ATXN7: variants seen among roughly 807,000 people sequenced by gnomAD.
ATXN7 encodes ataxin-7.
Under a neutral mutation model 70.5 loss-of-function variants are expected in ATXN7, and 12 were observed. The observed-to-expected ratio is 0.17, with a 90% CI of 0.11 to 0.28. The LOEUF (loss-of-function observed/expected upper bound fraction) is 0.28. Ranked by LOEUF, ATXN7 falls within the 10% of genes least tolerant of loss-of-function variation. ATXN7 has a pLI of 1.00. For synonymous variants in ATXN7, 498 were observed against 448.7 expected (o/e 1.11, Z -1.39); for missense variants, 1,256 against 1,131.7 (o/e 1.11, Z -1.58).
chr3:63,960,563 G>C, intron 5 of ATXN7, among the ~76,000 whole-genome samples: 1 of 152,130 alleles, frequency 6.6e-6, no homozygotes, highest in East Asian at 1.9e-4. Context: ...AGAGAAGTGT[G>C]AACAGAATTA....
intron 11 of ATXN7, chr3:63,991,127 A>C (rs2075664939): frequency 2.2e-6 from 1 of 448,408 alleles, no homozygotes; most frequent in Non-Finnish European, 4.1e-6. Context: ...GGGAGAAAAA[A>C]ACTAGTCTAC....
At chr3:63,931,099 TTTTGTTTG>T (rs538562459) in intron 4 of ATXN7, among the ~76,000 whole-genome samples, 3 of 151,748 alleles carry the variant, frequency 2.0e-5, no homozygotes, top group East Asian at 3.9e-4. Context: ...ACAGTAGAAG[TTTTGTTTG>T]TTTGTTTGTT....
intron 4 of ATXN7, among the ~76,000 whole-genome samples, chr3:63,951,512 T>C (rs149393169): frequency 6.6e-6 from 1 of 152,356 alleles, no homozygotes; most frequent in Admixed American, 6.5e-5. Context: ...AAAGAGTGAA[T>C]GTAGTGTAAA....
intron 1 of ATXN7, among the ~76,000 whole-genome samples, chr3:63,870,069 A>T (rs1020991290): frequency 6.6e-6 from 1 of 152,150 alleles, no homozygotes; most frequent in Non-Finnish European, 1.5e-5. Context: ...CATATAGTAA[A>T]TATTGTTTAC....
At chr3:63,909,551 G>A (rs540296432) in intron 2 of ATXN7, among the ~76,000 whole-genome samples, 3 of 152,176 alleles carry the variant, frequency 2.0e-5, no homozygotes, top group Non-Finnish European at 4.4e-5. Flanking sequence ...GGTTTCTGTT[G>A]TACTCTTGTT....
intron 8 of ATXN7, 39 bp from the exon 9 acceptor site, chr3:63,988,020 A>G: frequency 6.2e-7 from 1 of 1,607,340 alleles, no homozygotes; most frequent in Non-Finnish European, 8.5e-7. Context: ...AAAAATTATT[A>G]ATGAGATTCC....
intron 4 of ATXN7, among the ~76,000 whole-genome samples, chr3:63,918,004 A>G (rs1308166309): frequency 2.0e-5 from 3 of 152,342 alleles, no homozygotes; most frequent in Non-Finnish European, 4.4e-5. Context: ...GGGTACAGAC[A>G]GGACATCACC....
chr3:63,961,830 G>A lies in ATXN7; in HGVS notation c.499+9347G>A, dbSNP rs934333370. Among the ~76,000 whole-genome samples, 3 of 151,978 alleles carry A rather than the reference G, an allele frequency of 2.0e-5. No individual in the cohort carries two copies. The South Asian group carries it at 6.2e-4, about 32-fold the overall frequency. On this transcript the variant is annotated intron_variant, in intron 5 of 12. Coordinates refer to ENST00000674280, the MANE Select transcript of ATXN7 (RefSeq NM_001377405.1). Reference sequence around the variant, plus strand: ...CATGTAGAAATCATTAGCTATTATAGGATTGCCATGCTTCAGCTTTAATGG... The same window carrying A: ...CATGTAGAAATCATTAGCTATTATAAGATTGCCATGCTTCAGCTTTAATGG...
chr3:63,927,841 CTCTTA>C (rs1359666404), intron 4 of ATXN7, among the ~76,000 whole-genome samples: 2 of 152,114 alleles, frequency 1.3e-5, no homozygotes, highest in East Asian at 1.9e-4. Flanking sequence ...CTTTCTGTTC[CTCTTA>C]TCTTAGCCCC....
At position 63,995,292 on chromosome 3, in the gene ATXN7, G is replaced by A. The variant is rs574431370; in HGVS notation, c.1683-213G>A. Among the ~76,000 whole-genome samples, 4 of 152,238 alleles carry A rather than the reference G, an allele frequency of 2.6e-5. No individual in the cohort carries two copies. In the East Asian group the frequency reaches 5.8e-4, roughly 22 times the overall value. Reference sequence around the variant, plus strand: ...AGCTAGAGGCTGGGGCAATAGCAGCGGGGAGTTGCACACATACAGTTCTGT... The same window carrying A: ...AGCTAGAGGCTGGGGCAATAGCAGCAGGGAGTTGCACACATACAGTTCTGT... On this transcript the variant is annotated intron_variant, in intron 11 of 12. Transcript: ENST00000674280.
At chr3:63,895,999 G>A (rs541495234) in intron 1 of ATXN7, among the ~76,000 whole-genome samples, 13 of 152,088 alleles carry the variant, frequency 8.5e-5, no homozygotes, top group South Asian at 4.1e-4. Flanking sequence ...TCAATTTCTC[G>A]TTCTAAGAAG....
In ATXN7 at chr3:63,993,990, A is replaced by AC. The variant is rs141834561; in HGVS notation, c.1683-1512dup. On this transcript the variant is annotated intron_variant, in intron 11 of 12. Coordinates refer to ENST00000674280, the MANE Select transcript of ATXN7 (RefSeq NM_001377405.1). ...CAGGTAATTAATGACACTGCCTGCC[A>AC]CCCTCCTCTATGAGTAGTGCGGGGA... is the stretch of plus-strand genomic sequence containing the variant. Among the ~76,000 whole-genome samples the AC allele has an allele frequency of 6.6e-4, 100 of 152,086 alleles. No individual in the cohort carries two copies. In the East Asian group the frequency reaches 0.014, roughly 22 times the overall value.
At chr3:63,939,298 C>T (rs182021725) in intron 4 of ATXN7, among the ~76,000 whole-genome samples, 24 of 152,270 alleles carry the variant, frequency 1.6e-4, no homozygotes, top group African/African-American at 4.6e-4. Flanking sequence ...GTCATGTCAA[C>T]AGTTCCTTCT....
At chr3:63,908,119 A>G (rs1335851849) in intron 2 of ATXN7, among the ~76,000 whole-genome samples, 1 of 152,152 alleles carries the variant, frequency 6.6e-6, no homozygotes, top group Non-Finnish European at 1.5e-5. Context: ...TCAAAAAGCT[A>G]TTTATGTCTT....
chr3:63,984,389 C>A (rs545853369), intron 8 of ATXN7, among the ~76,000 whole-genome samples: 152 of 152,188 alleles, frequency 1.0e-3, no homozygotes, highest in Non-Finnish European at 1.9e-3. Context: ...TAATTGGACA[C>A]ACAGTGGTGT....
rs752757577 is a variant in ATXN7, at chr3:63,913,219, C to A, written c.388C>A (p.Arg130=). Residue 130 remains arginine (R), a synonymous_variant, in exon 4 of 13, where the codon CGG becomes AGG. Transcript: ENST00000674280. ...AAACCGCGAAGTCATGGGGCTCTGT[C>A]GGGAAGGTGAGTCCAGCCCCCCTGA... is the stretch of plus-strand genomic sequence containing the variant. ...GKNREVMGLC[R]EDMPIFGFCP... is the part of the protein sequence containing the mutation. 1 of 1,613,684 alleles carries A rather than the reference C, an allele frequency of 6.2e-7. No individual in the cohort carries two copies.
At chr3:63,887,760 A>T (rs1261840153) in intron 1 of ATXN7, among the ~76,000 whole-genome samples, 1 of 151,410 alleles carries the variant, frequency 6.6e-6, no homozygotes, top group African/African-American at 2.4e-5. Context: ...TAATTTTTGT[A>T]TTTTTTTGTA....
chr3:63,955,685 T>C (rs17069525), intron 5 of ATXN7, among the ~76,000 whole-genome samples: 3,868 of 152,346 alleles, frequency 0.025, 158 homozygotes, highest in African/African-American at 0.085. Context: ...AAATTCAGAA[T>C]CTTTCACAGT....
chr3:63,897,122 A>C (rs534203524), intron 1 of ATXN7, among the ~76,000 whole-genome samples: 4 of 152,218 alleles, frequency 2.6e-5, no homozygotes, highest in Non-Finnish European at 2.9e-5. Context: ...GCACAGCTAT[A>C]AAGTATTTAG....
Sources: allele counts gnomAD v4.1 joint callset (sites outside exome capture counted in the v4.1 genomes callset), GRCh38; gene constraint gnomAD v4.1.1; transcripts MANE v1.5; gene names NCBI Gene and HGNC (gene_info 2026-07-23, HGNC 2026-07-21).